The following DOCK2 variants were observed in gnomAD, a reference collection of about 807,000 sequenced individuals.
The protein encoded by DOCK2 is dedicator of cytokinesis 2.
A neutral mutation model predicts 248.9 loss-of-function variants in DOCK2; 87 were observed. That is an observed-to-expected ratio of 0.35 (90% CI 0.29 to 0.42). DOCK2 has a LOEUF of 0.42. DOCK2 is among the 10% of genes least tolerant of loss of function. The probability of loss-of-function intolerance (pLI) is 1.00; values close to 1 mark genes in which losing one functional copy is unlikely to be tolerated. For synonymous variants in DOCK2, 805 were observed against 821.6 expected (o/e 0.98, Z 0.35); for missense variants, 1,747 against 2,300.2 (o/e 0.76, Z 4.92).
chr5:169,770,580 A>G (rs112688029), intron 25 of DOCK2, among the ~76,000 whole-genome samples: 91 of 152,284 alleles, frequency 6.0e-4, no homozygotes, highest in African/African-American at 2.0e-3. Flanking sequence ...GATTACAAGC[A>G]TGAGCCATTG....
chr5:169,829,411 GT>G (rs1339375732), intron 26 of DOCK2, among the ~76,000 whole-genome samples: 1 of 152,190 alleles, frequency 6.6e-6, no homozygotes, highest in Non-Finnish European at 1.5e-5. Flanking sequence ...AGCCCATGCA[GT>G]AATACTGAAG....
chr5:169,664,844 A>G (rs1758634838), intron 2 of DOCK2, among the ~76,000 whole-genome samples: 2 of 152,184 alleles, frequency 1.3e-5, no homozygotes, highest in Admixed American at 6.5e-5. Context: ...TCAACCAGTG[A>G]TAGGTACAAG....
chr5:170,071,531 A>AT (rs1757678394), intron 46 of DOCK2, among the ~76,000 whole-genome samples: 2 of 152,272 alleles, frequency 1.3e-5, no homozygotes, highest in East Asian at 1.9e-4. Flanking sequence ...AAGACTTTCT[A>AT]TTTTTTGGCA....
In DOCK2 at chr5:170,062,318, G is replaced by A. The variant is rs150064390; in HGVS notation, c.4467+4652G>A. 2.8e-4 allele frequency among the ~76,000 whole-genome samples: 42 copies of A among 152,154 alleles called. 1 individual carries two copies. Among genetic ancestry groups the A allele is most frequent in the African/African-American group, 9.9e-4 (41 of 41,498 alleles). On this transcript the variant is annotated intron_variant, in intron 44 of 51. Transcript: ENST00000520908. ...CAACATAGCAGACTAGGAAGCTCCT[G>A]GGTCTCCCTCCACCCCCAAATGCAC...
chr5:169,640,875 A>G (rs547358251), intron 1 of DOCK2, among the ~76,000 whole-genome samples: 1 of 152,310 alleles, frequency 6.6e-6, no homozygotes, highest in South Asian at 2.1e-4. Flanking sequence ...GAAGTGGCAT[A>G]TTTTGATCAG....
At chr5:169,912,387 G>GCTTATCATTATCTTATCATTAT (rs1774646684) in intron 27 of DOCK2, among the ~76,000 whole-genome samples, 1 of 152,114 alleles carries the variant, frequency 6.6e-6, no homozygotes, top group Non-Finnish European at 1.5e-5. Context: ...TTGTCTATTG[G>GCTTATCATTATCTTATCATTAT]CTTTCAGGAT....
intron 30 of DOCK2, among the ~76,000 whole-genome samples, chr5:170,004,238 G>A (rs928367777): frequency 6.6e-6 from 1 of 152,166 alleles, no homozygotes; most frequent in Admixed American, 6.5e-5. Context: ...ATTATTCAAT[G>A]ATAAAAAAAT....
At chr5:169,894,950 G>C (rs1018275273) in intron 27 of DOCK2, among the ~76,000 whole-genome samples, 1 of 152,164 alleles carries the variant, frequency 6.6e-6, no homozygotes, top group African/African-American at 2.4e-5. Context: ...GTGGCCCCCC[G>C]TGAGGTCTGC....
chr5:169,844,511 A>G (rs922858712), intron 27 of DOCK2, among the ~76,000 whole-genome samples: 5 of 152,204 alleles, frequency 3.3e-5, no homozygotes, highest in African/African-American at 1.2e-4. Flanking sequence ...CAAGCAGCGG[A>G]CATGCACTCC....
chr5:170,056,703 G>A lies in DOCK2; in HGVS notation c.4315G>A (p.Val1439Met), dbSNP rs963702778. ...TTTCAGCTTCTACAAATCCAACTAC[G>A]TGCAAAGGTTCCACTACTCCCGGCC... Reference protein sequence around the residue: ...QIINFYKSNYVQRFHYSRPVR... With the variant: ...QIINFYKSNYMQRFHYSRPVR... The change falls in exon 43 of 52, where the codon GTG (valine) becomes ATG (methionine). Residue 1439 changes from valine to methionine, a missense_variant. This residue lies in a region of DOCK2 where 513 missense variants were observed against 586.1 expected (regional missense o/e 0.88). Coordinates refer to ENST00000520908, the MANE Select transcript of DOCK2 (RefSeq NM_004946.3). 6.2e-7 allele frequency: 1 copy of A among 1,614,048 alleles called. No individual in the cohort carries two copies.
rs1053516814 is a variant in DOCK2 at position 169,814,655 on chromosome 5, C to T, written c.2703+11449C>T. The stretch of plus-strand genomic sequence containing the variant: ...AACTCTCTGTACCATCTATGCAACT[C>T]GCTAGGAATTCAACATTATTTCAAA... On this transcript the variant is annotated intron_variant, in intron 26 of 51. Coordinates refer to ENST00000520908, the MANE Select transcript of DOCK2 (RefSeq NM_004946.3). Among the ~76,000 whole-genome samples, 10 of 152,116 alleles carry T rather than the reference C, an allele frequency of 6.6e-5. No homozygotes were observed. The South Asian group carries it at 1.5e-3, about 22-fold the overall frequency.
At chr5:169,902,960 T>A (rs1406602556) in intron 27 of DOCK2, among the ~76,000 whole-genome samples, 1 of 151,934 alleles carries the variant, frequency 6.6e-6, no homozygotes, top group South Asian at 2.1e-4. Context: ...TAGCTGGGTG[T>A]GGTGGCACAT....
intron 1 of DOCK2, among the ~76,000 whole-genome samples, chr5:169,648,649 C>T (rs927968909): frequency 1.3e-5 from 2 of 152,076 alleles, no homozygotes; most frequent in African/African-American, 4.8e-5. Context: ...CTGTGTTCAC[C>T]CCAGGATGTT....
intron 32 of DOCK2, among the ~76,000 whole-genome samples, chr5:170,009,373 T>C (rs1472519271): frequency 6.6e-6 from 1 of 152,146 alleles, no homozygotes; most frequent in Non-Finnish European, 1.5e-5. Context: ...CCCCCATCCT[T>C]TTACTGATCA....
At chr5:169,684,404 A>C in intron 8 of DOCK2, 54 bp downstream of exon 8, 1 of 1,574,284 alleles carries the variant, frequency 6.4e-7, no homozygotes, top group Non-Finnish European at 8.7e-7. Flanking sequence ...CAGTGCACAG[A>C]GCATCTTTTC....
intron 30 of DOCK2, among the ~76,000 whole-genome samples, chr5:170,004,483 G>A (rs1278257302): frequency 2.6e-5 from 4 of 152,194 alleles, no homozygotes; most frequent in Non-Finnish European, 4.4e-5. Context: ...CTTTTGAGAA[G>A]TGTCTGTTCA....
chr5:169,650,048 C>G (rs570911837), intron 1 of DOCK2, among the ~76,000 whole-genome samples: 2 of 152,216 alleles, frequency 1.3e-5, no homozygotes, highest in Non-Finnish European at 2.9e-5. Flanking sequence ...AAGTGATCCA[C>G]CTGCCTCCCC....
At chr5:169,910,186 C>T (rs1446469556) in intron 27 of DOCK2, among the ~76,000 whole-genome samples, 1 of 152,122 alleles carries the variant, frequency 6.6e-6, no homozygotes, top group East Asian at 1.9e-4. Flanking sequence ...GATCCAGATC[C>T]CAAGTCTGTC....
chr5:169,889,807 T>C (rs1773180764), intron 27 of DOCK2, among the ~76,000 whole-genome samples: 1 of 152,232 alleles, frequency 6.6e-6, no homozygotes, highest in South Asian at 2.1e-4. Context: ...ACTGAATGGA[T>C]TTGGCCTGGG....
Sources: gnomAD v4.1 joint callset for allele counts (sites outside exome capture counted in the v4.1 genomes callset) on GRCh38, gnomAD v4.1.1 for gene constraint, gnomAD v4.1.1 regional missense constraint, MANE v1.5 for transcripts, NCBI Gene and HGNC (gene_info 2026-07-23, HGNC 2026-07-21) for gene names.